Variants in GAK observed in about 807,000 individuals in gnomAD.
GAK encodes cyclin G associated kinase.
GAK carries 79 observed loss-of-function variants against 143.9 expected under a neutral mutation model. The ratio of observed to expected loss-of-function variants is 0.55; its 90% CI spans 0.46 to 0.66. GAK has a LOEUF of 0.66. Ranked by LOEUF, GAK falls within the 30% of genes least tolerant of loss-of-function variation. The probability of loss-of-function intolerance (pLI) is 0.00; values close to 1 mark genes in which losing one functional copy is unlikely to be tolerated. For missense variants in GAK, 1,693 were observed against 1,779.7 expected (o/e 0.95, Z 0.88); for synonymous variants, 881 against 765.5 (o/e 1.15, Z -2.49).
At chr4:890,017 A>G (rs568750531) in intron 10 of GAK, among the ~76,000 whole-genome samples, 1 of 152,236 alleles carries the variant, frequency 6.6e-6, no homozygotes, top group East Asian at 1.9e-4. Context: ...CCCTGGCCTC[A>G]GGGTCGCTAC....
chr4:862,970 T>C (rs1414009099), intron 23 of GAK, among the ~76,000 whole-genome samples: 1 of 152,226 alleles, frequency 6.6e-6, no homozygotes, highest in African/African-American at 2.4e-5. Flanking sequence ...AGTCTCCCTA[T>C]TTAAGAAACA....
At chr4:921,018 T>C (rs1723845061) in intron 1 of GAK, among the ~76,000 whole-genome samples, 1 of 152,228 alleles carries the variant, frequency 6.6e-6, no homozygotes, top group African/African-American at 2.4e-5. Flanking sequence ...TATGTGGTAT[T>C]GGCAGAGGGA....
rs768977045 is a variant in GAK, at chr4:883,474, C to G, written c.1256-11G>C. On this transcript the variant is annotated splice_polypyrimidine_tract_variant and intron_variant, in intron 12 of 27. Coordinates refer to ENST00000314167, the MANE Select transcript of GAK (RefSeq NM_005255.4). The stretch of plus-strand genomic sequence containing the variant: ...CTGGGAATGACATCACTGAAACAAG[C>G]AGACCTGCGTCAGCACCTGGGAGAT... 4 of 1,612,914 alleles carry G rather than the reference C, an allele frequency of 2.5e-6. No homozygotes were observed. Among genetic ancestry groups the G allele is most frequent in the Admixed American group, 3.3e-5 (2 of 60,008 alleles).
intron 24 of GAK, among the ~76,000 whole-genome samples, chr4:858,275 G>C (rs557153042): frequency 6.6e-6 from 1 of 152,336 alleles, no homozygotes. Flanking sequence ...ATTTGGGTTT[G>C]TCTATTTTTT....
intron 7 of GAK, 105 bp downstream of exon 7, chr4:896,355 G>C: frequency 1.3e-6 from 1 of 798,448 alleles, no homozygotes; most frequent in Non-Finnish European, 2.2e-6. Flanking sequence ...AGAGGGGGTG[G>C]AGGAGGCAGG....
At chr4:901,419 C>T (rs1719855986) in intron 5 of GAK, among the ~76,000 whole-genome samples, 2 of 152,196 alleles carry the variant, frequency 1.3e-5, no homozygotes, top group South Asian at 4.1e-4. Context: ...GGATCCCCCA[C>T]CTAGGGCACA....
intron 5 of GAK, among the ~76,000 whole-genome samples, chr4:903,816 A>C (rs1720521020): frequency 6.6e-6 from 1 of 152,064 alleles, no homozygotes; most frequent in African/African-American, 2.4e-5. Flanking sequence ...TGGAGTGAGC[A>C]AGCATCCAGC....
chr4:873,752 C>G (rs771466361), intron 18 of GAK, among the ~76,000 whole-genome samples: 1 of 152,228 alleles, frequency 6.6e-6, no homozygotes, highest in East Asian at 1.9e-4. Flanking sequence ...AATTATTCCA[C>G]TTCAGCCTTG....
rs1292759321 is a variant in GAK, at chr4:850,079, C to T, written c.3658-11G>A. On this transcript the variant is annotated splice_polypyrimidine_tract_variant and intron_variant, in intron 26 of 27. Transcript: ENST00000314167. The stretch of plus-strand genomic sequence containing the variant: ...AATCCAGTCCAGGAGCTGCGGGAGA[C>T]ACGGAGCTTGCCGAGCCCTGGGCAC... 1.3e-6 allele frequency: 2 copies of T among 1,557,180 alleles called. No homozygotes were observed. The highest frequency in any genetic ancestry group is 1.7e-6 in the Non-Finnish European group (2 of 1,142,952).
In GAK at chr4:870,780, T is replaced by C. The variant is rs1281485637; in HGVS notation, c.2179A>G (p.Met727Val). The C allele has an allele frequency of 6.2e-7, 1 of 1,614,152 alleles. No homozygotes were observed. The highest frequency in any genetic ancestry group is 1.7e-5 in the Admixed American group (1 of 60,022). The change falls in exon 19 of 28, where the codon ATG (methionine) becomes GTG (valine). Residue 727 changes from methionine (M) to valine (V), a missense_variant. Physicochemically the swap from Met to Val is conservative, Grantham distance 21. Transcript: ENST00000314167. The stretch of plus-strand genomic sequence containing the variant: ...AGGATTTTGGGGTTCAGCCCCCTCA[T>C]GCTCGAGTTCTCCCATGGTGGGGCT... ...REAPPWENSS[M>V]RGLNPKILFS...
At chr4:879,052 T>C (rs970039722) in intron 15 of GAK, among the ~76,000 whole-genome samples, 1 of 152,206 alleles carries the variant, frequency 6.6e-6, no homozygotes, top group Non-Finnish European at 1.5e-5. Flanking sequence ...AAATCGGCTT[T>C]CTCAGAGTCA....
chr4:851,849 G>A lies in GAK; in HGVS notation c.3409C>T (p.Pro1137Ser), dbSNP rs753861522. 1.2e-6 allele frequency: 2 copies of A among 1,608,528 alleles called. No individual in the cohort carries two copies. The highest frequency in any genetic ancestry group is 1.7e-4 in the Middle Eastern group (1 of 6,048). Residue 1137 changes from proline (P) to serine (S), a missense_variant, in exon 25 of 28, where the codon CCG becomes TCG. Around this residue, in one of 2 missense-constraint regions of GAK, gnomAD observed 822 missense variants for 788.7 expected, o/e 1.04. Transcript: ENST00000314167. ...GGCTGTGTGCAGGCTTTGGGGGGCG[G>A]CTTGGCCTGAGGGGGCCATGAGGCG... is the stretch of plus-strand genomic sequence containing the variant. ...QGASWPPQAKPPPKACTQPRP... is the reference protein window; with the variant it reads ...QGASWPPQAKSPPKACTQPRP...
chr4:894,124 C>T (rs550190148), intron 7 of GAK, 115 bp from the exon 8 acceptor site: 48 of 1,246,468 alleles, frequency 3.9e-5, no homozygotes, highest in South Asian at 3.6e-4. Context: ...GGGGTGACAT[C>T]GGAGCCGTGG....
intron 1 of GAK, among the ~76,000 whole-genome samples, chr4:924,505 T>A (rs1428099726): frequency 6.6e-6 from 1 of 152,074 alleles, no homozygotes; most frequent in African/African-American, 2.4e-5. Context: ...TGAAAAAAAA[T>A]GTTCTCGGCA....
intron 24 of GAK, chr4:859,281 C>A: frequency 7.9e-7 from 1 of 1,268,890 alleles, no homozygotes; most frequent in Non-Finnish European, 1.0e-6. Context: ...CTGAGCAGAG[C>A]CCAGCTACAC....
intron 4 of GAK, among the ~76,000 whole-genome samples, chr4:909,295 G>C (rs1363739575): frequency 6.6e-6 from 1 of 152,278 alleles, no homozygotes; most frequent in East Asian, 1.9e-4. Flanking sequence ...CCCAGCTCTG[G>C]AGGAGGCCCT....
chr4:903,087 C>T (rs1046592524), intron 5 of GAK, among the ~76,000 whole-genome samples: 8 of 150,722 alleles, frequency 5.3e-5, no homozygotes, highest in African/African-American at 1.7e-4. Context: ...CACATGGAAA[C>T]CGCGCAGTGC....
intron 5 of GAK, among the ~76,000 whole-genome samples, chr4:903,626 G>A (rs530743446): frequency 6.7e-4 from 97 of 145,130 alleles, no homozygotes; most frequent in African/African-American, 1.6e-3. Flanking sequence ...TGCGGGGCCT[G>A]AACTGACACC....
chr4:926,316 G>C (rs1724734616), intron 1 of GAK, among the ~76,000 whole-genome samples: 2 of 152,172 alleles, frequency 1.3e-5, no homozygotes, highest in South Asian at 4.1e-4. Flanking sequence ...GTGTTGGCCT[G>C]TCACTCTCCG....
Sources: allele counts gnomAD v4.1 joint callset (sites outside exome capture counted in the v4.1 genomes callset), GRCh38; gene constraint gnomAD v4.1.1; regional missense constraint gnomAD v4.1.1; transcripts MANE v1.5; gene names NCBI Gene and HGNC (gene_info 2026-07-23, HGNC 2026-07-21).